Variants in CNTN5 observed in about 807,000 individuals in gnomAD.
CNTN5 encodes contactin 5.
Under a neutral mutation model 129.1 loss-of-function variants are expected in CNTN5, and 77 were observed. The observed-to-expected ratio is 0.60, with a 90% CI of 0.50 to 0.72. CNTN5 has a LOEUF of 0.72. Among genes scored for constraint, CNTN5 ranks in the 30% least tolerant of loss-of-function variants. CNTN5 has a pLI of 0.00. For synonymous variants in CNTN5, 509 were observed against 465.6 expected (o/e 1.09, Z -1.20); for missense variants, 1,478 against 1,328.8 (o/e 1.11, Z -1.75).
intron 1 of CNTN5, among the ~76,000 whole-genome samples, chr11:99,274,575 C>A (rs1429314084): frequency 6.6e-6 from 1 of 151,302 alleles, no homozygotes; most frequent in African/African-American, 2.4e-5. Context: ...CTGTGATTTA[C>A]TTTTTATGCT....
intron 8 of CNTN5, among the ~76,000 whole-genome samples, chr11:99,967,703 G>A (rs995514265): frequency 2.6e-5 from 4 of 151,988 alleles, no homozygotes; most frequent in Admixed American, 6.6e-5. Flanking sequence ...TAATTTTTCC[G>A]AGCCGTAATT....
chr11:99,545,285 A>G (rs997667831), intron 2 of CNTN5, among the ~76,000 whole-genome samples: 1 of 152,226 alleles, frequency 6.6e-6, no homozygotes, highest in Non-Finnish European at 1.5e-5. Flanking sequence ...TGTGCCTATA[A>G]CAAGACATTG....
chr11:99,422,046 GC>G (rs986717604), intron 2 of CNTN5, among the ~76,000 whole-genome samples: 8 of 152,108 alleles, frequency 5.3e-5, no homozygotes, highest in African/African-American at 1.9e-4. Context: ...CTAGGTAATT[GC>G]CTTTTGATTG....
chr11:100,281,376 GT>G (rs1049539600), intron 18 of CNTN5, among the ~76,000 whole-genome samples: 12 of 152,030 alleles, frequency 7.9e-5, no homozygotes, highest in Middle Eastern at 3.4e-3. Flanking sequence ...TATGGTAAAA[GT>G]TTTTTTTCAT....
intron 1 of CNTN5, among the ~76,000 whole-genome samples, chr11:99,231,765 G>T (rs576889945): frequency 6.6e-6 from 1 of 152,068 alleles, no homozygotes; most frequent in African/African-American, 2.4e-5. Context: ...TTTCTTCTAG[G>T]GTTTATATAA....
At chr11:99,200,608 C>A (rs1439830666) in intron 1 of CNTN5, among the ~76,000 whole-genome samples, 1 of 152,214 alleles carries the variant, frequency 6.6e-6, no homozygotes, top group Non-Finnish European at 1.5e-5. Flanking sequence ...TGCAATGTTT[C>A]TCTTCCAATA....
chr11:100,140,438 A>C (rs1395787563), intron 13 of CNTN5, among the ~76,000 whole-genome samples: 1 of 152,200 alleles, frequency 6.6e-6, no homozygotes, highest in African/African-American at 2.4e-5. Flanking sequence ...AGCTAGATAA[A>C]TAGATGGCAA....
At chr11:99,217,103 C>G (rs1860166761) in intron 1 of CNTN5, among the ~76,000 whole-genome samples, 1 of 152,120 alleles carries the variant, frequency 6.6e-6, no homozygotes, top group Non-Finnish European at 1.5e-5. Flanking sequence ...TCACTTGAAC[C>G]TGGGAGGCAG....
chr11:99,173,686 C>T lies in CNTN5; in HGVS notation c.-209-151660C>T, dbSNP rs535477966. 1.3e-4 allele frequency among the ~76,000 whole-genome samples: 20 copies of T among 152,222 alleles called. No individual in the cohort carries two copies. In the East Asian group the frequency reaches 3.9e-3, roughly 29 times the overall value. ...GGTGAGAAGAAGGATTGAGAGCAGGCTAGAGAAGACATTAGGGTATGTCAT... is the reference window on the plus strand; with the variant it reads ...GGTGAGAAGAAGGATTGAGAGCAGGTTAGAGAAGACATTAGGGTATGTCAT... On this transcript the variant is annotated intron_variant, in intron 1 of 24. Coordinates refer to ENST00000524871, the MANE Select transcript of CNTN5 (RefSeq NM_014361.4).
intron 16 of CNTN5, among the ~76,000 whole-genome samples, chr11:100,243,157 A>G (rs150727024): frequency 1.3e-5 from 2 of 152,362 alleles, no homozygotes; most frequent in African/African-American, 4.8e-5. Flanking sequence ...ACACACACAT[A>G]TACACTCACT....
At chr11:99,777,562 A>G (rs947583342) in intron 3 of CNTN5, among the ~76,000 whole-genome samples, 2 of 151,872 alleles carry the variant, frequency 1.3e-5, no homozygotes, top group African/African-American at 2.4e-5. Context: ...GCAATTTTAT[A>G]TAAGGTCAAT....
intron 13 of CNTN5, among the ~76,000 whole-genome samples, chr11:100,189,219 C>G (rs114398156): frequency 0.011 from 1,715 of 151,126 alleles, 40 homozygotes; most frequent in African/African-American, 0.039. Flanking sequence ...CCATGTATCC[C>G]CTGGATCTAA....
intron 3 of CNTN5, among the ~76,000 whole-genome samples, chr11:99,771,212 A>ATCTTCTGT (rs1944933666): frequency 6.6e-6 from 1 of 152,006 alleles, no homozygotes; most frequent in African/African-American, 2.4e-5. Flanking sequence ...GAATCCAGCA[A>ATCTTCTGT]TCTTCTGTGT....
intron 8 of CNTN5, among the ~76,000 whole-genome samples, chr11:100,000,586 G>A (rs1353237610): frequency 6.6e-6 from 1 of 152,080 alleles, no homozygotes; most frequent in East Asian, 1.9e-4. Flanking sequence ...ACCATTCTGG[G>A]GTCTGGAGGA....
chr11:99,113,530 G>A (rs1187243940), intron 1 of CNTN5, among the ~76,000 whole-genome samples: 1 of 152,060 alleles, frequency 6.6e-6, no homozygotes, highest in Non-Finnish European at 1.5e-5. Flanking sequence ...AACCTTCTGA[G>A]GAATTATATA....
At chr11:99,955,569 T>C (rs556679470) in intron 7 of CNTN5, among the ~76,000 whole-genome samples, 3 of 144,516 alleles carry the variant, frequency 2.1e-5, no homozygotes, top group South Asian at 2.3e-4. Flanking sequence ...TAATTTCCCC[T>C]TTTTTTTTGA....
chr11:99,290,768 T>G (rs1443206211), intron 1 of CNTN5, among the ~76,000 whole-genome samples: 1 of 151,860 alleles, frequency 6.6e-6, no homozygotes, highest in Non-Finnish European at 1.5e-5. Context: ...CTTGTTATAT[T>G]TCATATTTAA....
chr11:99,325,459 C>A lies in CNTN5; in HGVS notation c.-96C>A. The A allele has an allele frequency of 6.6e-6, 1 of 152,176 alleles. No individual in the cohort carries two copies. The highest frequency in any genetic ancestry group is 1.5e-5 in the Non-Finnish European group (1 of 68,006). The allele number at this position is 152,176 out of a possible 1,614,324, so 9.4% of individuals were successfully genotyped here. A position where few individuals can be genotyped will look rare whatever the true frequency, so the allele number is the denominator to read the frequency against. ...TACCAGTTCCTTTGTCAAGAGCATACTTTGGACCCTGTTTTCAGAAAGCAG... is the reference window on the plus strand; with the variant it reads ...TACCAGTTCCTTTGTCAAGAGCATAATTTGGACCCTGTTTTCAGAAAGCAG... On this transcript the variant is annotated 5_prime_UTR_variant, in exon 2 of 25. Transcript: ENST00000524871.
chr11:99,745,963 G>T (rs772961585), intron 3 of CNTN5, among the ~76,000 whole-genome samples: 1 of 152,124 alleles, frequency 6.6e-6, no homozygotes, highest in African/African-American at 2.4e-5. Context: ...CATTGGTGGA[G>T]GTGACAAATA....
Sources: allele counts gnomAD v4.1 joint callset (sites outside exome capture counted in the v4.1 genomes callset), GRCh38; gene constraint gnomAD v4.1.1; transcripts MANE v1.5; gene names NCBI Gene and HGNC (gene_info 2026-07-23, HGNC 2026-07-21).